The following DCC variants were observed in gnomAD, a reference collection of about 807,000 sequenced individuals.
The protein encoded by DCC is netrin receptor DCC.
In DCC, 58 loss-of-function variants were observed where a neutral mutation model predicts 172.5. The ratio of observed to expected loss-of-function variants is 0.34; its 90% confidence interval spans 0.27 to 0.42. The LOEUF is 0.42. Ranked by LOEUF, DCC falls within the 10% of genes least tolerant of loss-of-function variation. The pLI is 1.00. For synonymous variants in DCC, 709 were observed against 644.5 expected, an observed-to-expected ratio of 1.10 and a Z score of -1.52; for missense variants, 1,740 against 1,791.0, an observed-to-expected ratio of 0.97 and a Z score of 0.51.
intron 7 of DCC, among the ~76,000 whole-genome samples, chr18:53,140,605 G>A (rs536071539): frequency 7.2e-5 from 11 of 152,132 alleles, no homozygotes; most frequent in Admixed American, 2.0e-4. Context: ...TTCACTGTAG[G>A]TCATTCAATT....
chr18:52,986,676 A>C (rs2041298133), intron 5 of DCC, among the ~76,000 whole-genome samples: 1 of 152,060 alleles, frequency 6.6e-6, no homozygotes, highest in Non-Finnish European at 1.5e-5. Context: ...GATTTTTAGA[A>C]GAAGGCAAAA....
chr18:53,158,191 AG>A (rs1488683042), intron 8 of DCC, among the ~76,000 whole-genome samples: 1 of 152,226 alleles, frequency 6.6e-6, no homozygotes, highest in Non-Finnish European at 1.5e-5. Context: ...GGCTTTGGCT[AG>A]CATTAAATTA....
At chr18:52,508,288 G>A (rs1352190854) in intron 1 of DCC, among the ~76,000 whole-genome samples, 1 of 152,088 alleles carries the variant, frequency 6.6e-6, no homozygotes, top group Non-Finnish European at 1.5e-5. Flanking sequence ...AGTTATAGAT[G>A]TATTGGGTGG....
intron 2 of DCC, among the ~76,000 whole-genome samples, chr18:52,857,591 A>T (rs2039074679): frequency 2.6e-5 from 4 of 152,146 alleles, no homozygotes; most frequent in Admixed American, 2.0e-4. Flanking sequence ...CGAATTTAAC[A>T]TCATATTTTT....
chr18:52,969,584 ACTCTCTCTCTCTCTCTCTCTCT>A (rs56024197), intron 5 of DCC, among the ~76,000 whole-genome samples: 1 of 119,440 alleles, frequency 8.4e-6, no homozygotes, highest in African/African-American at 3.3e-5. Context: ...CCCGCCCCCC[ACTCTCTCTCTCTCTCTCTCTCT>A]CTCTCTCTCT....
intron 2 of DCC, among the ~76,000 whole-genome samples, chr18:52,796,094 T>C: frequency 9.0e-6 from 1 of 110,540 alleles, no homozygotes; most frequent in East Asian, 4.5e-4. Flanking sequence ...TCCATTTACA[T>C]GGAATATCTT....
intron 1 of DCC, among the ~76,000 whole-genome samples, chr18:52,704,439 A>G (rs2036173659): frequency 6.6e-6 from 1 of 152,168 alleles, no homozygotes; most frequent in African/African-American, 2.4e-5. Flanking sequence ...ACACATGGTA[A>G]TTTTTTAAAG....
chr18:53,248,258 G>A (rs999725559), intron 12 of DCC, among the ~76,000 whole-genome samples: 2 of 151,938 alleles, frequency 1.3e-5, no homozygotes, highest in Non-Finnish European at 2.9e-5. Flanking sequence ...GACCCGACCT[G>A]AACATTCAGA....
intron 12 of DCC, among the ~76,000 whole-genome samples, chr18:53,243,680 T>C (rs1008391757): frequency 2.0e-5 from 3 of 152,144 alleles, no homozygotes; most frequent in African/African-American, 7.2e-5. Flanking sequence ...GCTTGGAAAC[T>C]ATCATCAGGA....
intron 19 of DCC, among the ~76,000 whole-genome samples, chr18:53,407,565 A>G (rs1480165253): frequency 7.9e-6 from 1 of 127,074 alleles, no homozygotes; most frequent in Non-Finnish European, 1.7e-5. Context: ...ATTCACTATT[A>G]CTCTCTCTCT....
intron 1 of DCC, among the ~76,000 whole-genome samples, chr18:52,504,323 G>A (rs1469729536): frequency 6.6e-6 from 1 of 152,170 alleles, no homozygotes; most frequent in Non-Finnish European, 1.5e-5. Context: ...AATGGGAGAA[G>A]GTCACAGCAA....
intron 1 of DCC, among the ~76,000 whole-genome samples, chr18:52,576,322 C>G (rs1294943195): frequency 6.6e-6 from 1 of 152,180 alleles, no homozygotes; most frequent in Non-Finnish European, 1.5e-5. Flanking sequence ...TTCCGTAGCC[C>G]TGCTATAATT....
intron 2 of DCC, among the ~76,000 whole-genome samples, chr18:52,800,723 T>C (rs1004359683): frequency 6.6e-6 from 1 of 152,218 alleles, no homozygotes; most frequent in South Asian, 2.1e-4. Flanking sequence ...ATAAGTACAA[T>C]TGGTTCCTGA....
intron 2 of DCC, among the ~76,000 whole-genome samples, chr18:52,814,171 G>A (rs1598829964): frequency 6.6e-6 from 1 of 152,308 alleles, no homozygotes; most frequent in East Asian, 1.9e-4. Flanking sequence ...GTGTTGCAGT[G>A]CAGGGATCCT....
At chr18:53,413,241 C>T (rs1216899005) in intron 20 of DCC, among the ~76,000 whole-genome samples, 2 of 152,140 alleles carry the variant, frequency 1.3e-5, no homozygotes, top group Non-Finnish European at 2.9e-5. Flanking sequence ...CAATAGAGTA[C>T]AGTAAATTCT....
chr18:52,625,848 CAT>C (rs1207476886), intron 1 of DCC, among the ~76,000 whole-genome samples: 15 of 152,318 alleles, frequency 9.8e-5, no homozygotes, highest in Admixed American at 8.5e-4. Context: ...CATGTCCAAA[CAT>C]GTTTTAATGC....
At chr18:52,699,265 G>A (rs770263199) in intron 1 of DCC, among the ~76,000 whole-genome samples, 1 of 152,126 alleles carries the variant, frequency 6.6e-6, no homozygotes, top group Non-Finnish European at 1.5e-5. Flanking sequence ...CAGGTGGGCT[G>A]GGACCATCCC....
chr18:52,681,320 T>A (rs1393291900), intron 1 of DCC, among the ~76,000 whole-genome samples: 1 of 152,024 alleles, frequency 6.6e-6, no homozygotes, highest in Non-Finnish European at 1.5e-5. Flanking sequence ...TAGGACACAT[T>A]TATCTACATA....
intron 7 of DCC, among the ~76,000 whole-genome samples, chr18:53,108,629 C>A (rs1242614565): frequency 6.6e-6 from 1 of 151,716 alleles, no homozygotes; most frequent in East Asian, 1.9e-4. Flanking sequence ...CCCAAGCACC[C>A]ATCCAGAAAC....
Sources: allele counts gnomAD v4.1 joint callset (sites outside exome capture counted in the v4.1 genomes callset), GRCh38; gene constraint gnomAD v4.1.1; transcripts MANE v1.5; gene names NCBI Gene and HGNC (gene_info 2026-07-23, HGNC 2026-07-21).